Variants in ZBTB16 observed in about 807,000 individuals in gnomAD.
The protein encoded by ZBTB16 is zinc finger and BTB domain containing 16.
ZBTB16 carries 8 observed loss-of-function variants against 56.8 expected under a neutral mutation model. The ratio of observed to expected loss-of-function variants is 0.14; its 90% CI spans 0.08 to 0.25. The LOEUF is 0.25. Among genes scored for constraint, ZBTB16 ranks in the 10% least tolerant of loss-of-function variants. The probability of loss-of-function intolerance (pLI) is 1.00; values close to 1 mark genes in which losing one functional copy is unlikely to be tolerated. For missense variants in ZBTB16, 625 were observed against 903.0 expected (o/e 0.69, Z 3.95); for synonymous variants, 363 against 368.5 (o/e 0.98, Z 0.17).
At chr11:114,122,232 C>T (rs950083878) in intron 2 of ZBTB16, among the ~76,000 whole-genome samples, 5 of 152,148 alleles carry the variant, frequency 3.3e-5, no homozygotes, top group Admixed American at 2.0e-4. Flanking sequence ...GAAAGAAATA[C>T]GTGTTGCTTC....
intron 2 of ZBTB16, among the ~76,000 whole-genome samples, chr11:114,102,548 C>A (rs764819775): frequency 2.6e-5 from 4 of 151,528 alleles, no homozygotes; most frequent in African/African-American, 4.9e-5. Context: ...AAGTCCCCCC[C>A]ACCCCCCGGC....
At chr11:114,146,130 C>T (rs546729893) in intron 2 of ZBTB16, among the ~76,000 whole-genome samples, 1 of 152,244 alleles carries the variant, frequency 6.6e-6, no homozygotes, top group South Asian at 2.1e-4. Flanking sequence ...GGGCATGAGT[C>T]GGCTTGCCTT....
Position 114,139,506 on chromosome 11 carries a change from C to T in ZBTB16, c.1269-16831C>T, listed in dbSNP as rs1941887135. 2.0e-5 allele frequency among the ~76,000 whole-genome samples: 3 copies of T among 151,990 alleles called. No individual in the cohort carries two copies. In the South Asian group the frequency reaches 6.2e-4, roughly 31 times the overall value. ...GAAACTTGCATACTTCATCTGCTCC[C>T]CCACTGCTCAGATATTAAACAAATA... On this transcript the variant is annotated intron_variant, in intron 2 of 6. Transcript: ENST00000335953.
chr11:114,159,081 C>T (rs1017129731), intron 3 of ZBTB16, among the ~76,000 whole-genome samples: 2 of 152,190 alleles, frequency 1.3e-5, no homozygotes, highest in African/African-American at 4.8e-5. Context: ...CTGGTGGAAG[C>T]GGCTGCAGAA....
intron 2 of ZBTB16, among the ~76,000 whole-genome samples, chr11:114,142,129 T>C (rs1941966124): frequency 6.6e-6 from 1 of 152,234 alleles, no homozygotes; most frequent in Non-Finnish European, 1.5e-5. Flanking sequence ...TGATGTTGTC[T>C]TTGTGGCAGA....
chr11:114,134,060 T>TC (rs1371334315), intron 2 of ZBTB16, among the ~76,000 whole-genome samples: 1 of 152,122 alleles, frequency 6.6e-6, no homozygotes, highest in African/African-American at 2.4e-5. Flanking sequence ...GCTGGTTGTG[T>TC]CTCAACACTG....
intron 4 of ZBTB16, among the ~76,000 whole-genome samples, chr11:114,213,513 C>T (rs915950026): frequency 3.3e-5 from 5 of 152,174 alleles, no homozygotes; most frequent in African/African-American, 1.2e-4. Flanking sequence ...GAAAGATCTG[C>T]TTCTTGCTCA....
At chr11:114,232,835 C>A (rs1944469183) in intron 4 of ZBTB16, among the ~76,000 whole-genome samples, 1 of 152,174 alleles carries the variant, frequency 6.6e-6, no homozygotes, top group Non-Finnish European at 1.5e-5. Context: ...GGCCCATTGT[C>A]CTCGCCCCCA....
chr11:114,071,661 TAG>T (rs1430922832), intron 2 of ZBTB16, among the ~76,000 whole-genome samples: 2 of 152,238 alleles, frequency 1.3e-5, no homozygotes, highest in African/African-American at 2.4e-5. Context: ...ATATATGACT[TAG>T]AGTCTTACTA....
intron 6 of ZBTB16, among the ~76,000 whole-genome samples, chr11:114,248,100 A>C (rs997082740): frequency 6.6e-6 from 1 of 152,042 alleles, no homozygotes; most frequent in African/African-American, 2.4e-5. Flanking sequence ...GGGTTTTGCC[A>C]TGTTGGTCAG....
intron 2 of ZBTB16, among the ~76,000 whole-genome samples, chr11:114,085,696 A>G (rs949028974): frequency 5.3e-5 from 8 of 152,124 alleles, no homozygotes; most frequent in Admixed American, 2.6e-4. Flanking sequence ...AGGAACTGCC[A>G]TTTGGAGGTA....
chr11:114,193,847 G>T (rs777139430), intron 4 of ZBTB16, among the ~76,000 whole-genome samples: 10 of 152,166 alleles, frequency 6.6e-5, no homozygotes, highest in Non-Finnish European at 1.3e-4. Context: ...TGCTACCTTA[G>T]TTTATAAAAC....
At chr11:114,236,444 T>C (rs1294395017) in intron 4 of ZBTB16, among the ~76,000 whole-genome samples, 1 of 152,196 alleles carries the variant, frequency 6.6e-6, no homozygotes, top group Non-Finnish European at 1.5e-5. Context: ...GATCCTTCTA[T>C]GGTCTGGGTT....
At chr11:114,190,538 A>C (rs975341537) in intron 4 of ZBTB16, among the ~76,000 whole-genome samples, 1 of 152,174 alleles carries the variant, frequency 6.6e-6, no homozygotes, top group Non-Finnish European at 1.5e-5. Flanking sequence ...CACAATTATA[A>C]ACTTGAAAAA....
rs1591710717 is a variant in ZBTB16 at position 114,143,865 on chromosome 11, G to C, written c.1269-12472G>C. 6.6e-6 allele frequency among the ~76,000 whole-genome samples: 1 copy of C among 152,178 alleles called. No individual in the cohort carries two copies. The highest frequency in any genetic ancestry group is 2.1e-4 in the South Asian group (1 of 4,830). On this transcript the variant is annotated intron_variant, in intron 2 of 6. Coordinates refer to ENST00000335953, the MANE Select transcript of ZBTB16 (RefSeq NM_006006.6). This position sits in a 1 kb window ranked among gnomAD's most constrained non-coding sequence, Gnocchi z 6.4. ...TGTTGGGTATTGTGTTGCACCGTGA[G>C]ACTGAAAGTGTGGATGTTTCCAGAG...
Position 114,208,322 on chromosome 11 carries a change from G to A in ZBTB16, c.1453+21284G>A, listed in dbSNP as rs149263234. Among the ~76,000 whole-genome samples the A allele has an allele frequency of 4.9e-3, 747 of 152,312 alleles. 10 individuals are homozygous for A. Among genetic ancestry groups the A allele is most frequent in the African/African-American group, 0.016 (663 of 41,570 alleles). ...CTTCCTGATTAGAAGCAGGAATGAAGAATCTGTTCTTGTCTGGCTTCAGAT... is the reference window on the plus strand; with the variant it reads ...CTTCCTGATTAGAAGCAGGAATGAAAAATCTGTTCTTGTCTGGCTTCAGAT... On this transcript the variant is annotated intron_variant, in intron 4 of 6. Transcript: ENST00000335953.
chr11:114,204,171 T>C (rs1186196), intron 4 of ZBTB16, among the ~76,000 whole-genome samples: 73,438 of 149,904 alleles, frequency 0.49, 20,041 homozygotes, highest in African/African-American at 0.74. Flanking sequence ...TTTTTTTTTC[T>C]GAGACACAGT....
At position 114,064,273 on chromosome 11, in the gene ZBTB16, C is replaced by A. The variant is rs752560624; in HGVS notation, c.973C>A (p.Pro325Thr). 6.2e-7 allele frequency: 1 copy of A among 1,614,084 alleles called. No homozygotes were observed. The highest frequency in any genetic ancestry group is 8.5e-7 in the Non-Finnish European group (1 of 1,180,042). ...APTGRPEHPA[P>T]PPEKHLGIYS... Reference sequence around the variant, plus strand: ...CACTGGCCGACCTGAGCACCCAGCACCCCCGCCTGAGAAGCATCTGGGCAT... The same window carrying A: ...CACTGGCCGACCTGAGCACCCAGCAACCCCGCCTGAGAAGCATCTGGGCAT... The change falls in exon 2 of 7, where the codon CCC becomes ACC. Residue 325 changes from proline to threonine, a missense_variant. This residue lies in a region of ZBTB16 where 384 missense variants were observed against 393.5 expected (regional missense o/e 0.98). Transcript: ENST00000335953. This position sits in a 1 kb window ranked among gnomAD's most constrained non-coding sequence, Gnocchi z 4.2.
intron 3 of ZBTB16, among the ~76,000 whole-genome samples, chr11:114,175,191 G>A (rs1325198750): frequency 6.6e-6 from 1 of 152,140 alleles, no homozygotes; most frequent in Non-Finnish European, 1.5e-5. Flanking sequence ...GCACATGAAG[G>A]TGCCCAGCAC....
Sources: gnomAD v4.1 joint callset for allele counts (sites outside exome capture counted in the v4.1 genomes callset) on GRCh38, gnomAD v4.1.1 for gene constraint, gnomAD v4.1.1 regional missense constraint, Gnocchi (gnomAD v3.1) non-coding constraint, MANE v1.5 for transcripts, NCBI Gene and HGNC (gene_info 2026-07-23, HGNC 2026-07-21) for gene names.